UBTD2: variants seen among roughly 807,000 people sequenced by gnomAD.
The protein encoded by UBTD2 is ubiquitin domain containing 2, also known as ubiquitin domain-containing protein 2.
Under a neutral mutation model 19.8 loss-of-function variants are expected in UBTD2, and 9 were observed. That is an observed-to-expected ratio of 0.46 (90% CI 0.27 to 0.79). The LOEUF (loss-of-function observed/expected upper bound fraction) is 0.79. UBTD2 is among the 30% of genes least tolerant of loss of function. UBTD2 has a pLI of 0.14. For missense variants in UBTD2, 250 were observed against 300.4 expected (o/e 0.83, Z 1.24); for synonymous variants, 98 against 103.9 (o/e 0.94, Z 0.35).
At chr5:172,235,146 G>A (rs1436994546) in intron 1 of UBTD2, among the ~76,000 whole-genome samples, 1 of 152,074 alleles carries the variant, frequency 6.6e-6, no homozygotes, top group East Asian at 1.9e-4. Context: ...CTGCCTAGAA[G>A]GTAAGTGTTT....
intron 1 of UBTD2, among the ~76,000 whole-genome samples, chr5:172,243,554 CTTTT>C (rs58327908): frequency 3.2e-4 from 32 of 101,096 alleles, no homozygotes; most frequent in East Asian, 6.8e-4. Flanking sequence ...TGTGAGAAAC[CTTTT>C]TTTTTTTTTT....
At chr5:172,218,310 G>A (rs183295897) in intron 2 of UBTD2, among the ~76,000 whole-genome samples, 39 of 152,254 alleles carry the variant, frequency 2.6e-4, no homozygotes, top group African/African-American at 9.1e-4. Flanking sequence ...TCAGGATGCA[G>A]CAAAAGCAGT....
chr5:172,215,223 G>A lies in UBTD2; in HGVS notation c.308-2996C>T, dbSNP rs1439732796. Among the ~76,000 whole-genome samples the A allele has an allele frequency of 6.6e-5, 10 of 152,294 alleles. No homozygotes were observed. In the East Asian group the frequency reaches 1.5e-3, roughly 23 times the overall value. On this transcript the variant is annotated intron_variant, in intron 2 of 2. Coordinates refer to ENST00000393792, the MANE Select transcript of UBTD2 (RefSeq NM_152277.3). Reference sequence around the variant, plus strand: ...CCTTCTGGACCTCTACAACTTCCTCGTAGTGACAGTCAGAATAATTCCCTG... The same window carrying A: ...CCTTCTGGACCTCTACAACTTCCTCATAGTGACAGTCAGAATAATTCCCTG...
intron 1 of UBTD2, among the ~76,000 whole-genome samples, chr5:172,244,277 G>A (rs1231053984): frequency 4.3e-5 from 6 of 140,182 alleles, no homozygotes; most frequent in Non-Finnish European, 1.5e-5. Flanking sequence ...TCGCAAGACT[G>A]TTTCCCCTTT....
chr5:172,258,057 A>G (rs1209713172), intron 1 of UBTD2, among the ~76,000 whole-genome samples: 3 of 152,126 alleles, frequency 2.0e-5, no homozygotes, highest in Admixed American at 1.3e-4. Context: ...TTCTTTTGCA[A>G]TCTTCATCAT....
chr5:172,217,098 G>A (rs1433600036), intron 2 of UBTD2, among the ~76,000 whole-genome samples: 2 of 152,072 alleles, frequency 1.3e-5, no homozygotes, highest in Non-Finnish European at 2.9e-5. Context: ...AATTCTGTAT[G>A]CTGTGAAATT....
At chr5:172,269,817 C>T (rs1026812286) in intron 1 of UBTD2, among the ~76,000 whole-genome samples, 170 of 150,792 alleles carry the variant, frequency 1.1e-3, no homozygotes, top group African/African-American at 4.1e-3. Context: ...GTGGCTCATG[C>T]CTGTAATCCC....
At position 172,211,818 on chromosome 5, in the gene UBTD2, A is replaced by G. The variant is rs1771452860; in HGVS notation, c.*12T>C. The G allele has an allele frequency of 1.3e-6, 2 of 1,584,486 alleles. No homozygotes were observed. The highest frequency in any genetic ancestry group is 1.7e-6 in the Non-Finnish European group (2 of 1,162,436). Reference sequence around the variant, plus strand: ...AGCAGAGGGATGTGGGAGCTGGCCAACAGGGCTCAGTTCAGTTCTCCACTG... The same window carrying G: ...AGCAGAGGGATGTGGGAGCTGGCCAGCAGGGCTCAGTTCAGTTCTCCACTG... On this transcript the variant is annotated 3_prime_UTR_variant, in exon 3 of 3. Coordinates refer to ENST00000393792, the MANE Select transcript of UBTD2 (RefSeq NM_152277.3).
chr5:172,279,148 G>C (rs1486735483), intron 1 of UBTD2, among the ~76,000 whole-genome samples: 1 of 152,144 alleles, frequency 6.6e-6, no homozygotes, highest in African/African-American at 2.4e-5. Context: ...AGCAGCCCTG[G>C]GTTTAAGCTC....
intron 1 of UBTD2, among the ~76,000 whole-genome samples, chr5:172,265,241 C>T (rs1755352731): frequency 6.6e-6 from 1 of 152,252 alleles, no homozygotes; most frequent in African/African-American, 2.4e-5. Context: ...CATGAAGAGT[C>T]TCTCTAAAGA....
chr5:172,225,677 G>A (rs1771749421), intron 2 of UBTD2, among the ~76,000 whole-genome samples: 1 of 152,152 alleles, frequency 6.6e-6, no homozygotes, highest in African/African-American at 2.4e-5. Flanking sequence ...TGACTGTGGG[G>A]AGTTTTACAT....
intron 2 of UBTD2, among the ~76,000 whole-genome samples, chr5:172,220,639 C>A (rs74917490): frequency 0.33 from 50,262 of 150,120 alleles, 8,411 homozygotes; most frequent in South Asian, 0.42. Flanking sequence ...AACAAAAAAA[C>A]CAAAAAAAAA....
At chr5:172,273,578 G>T (rs758306646) in intron 1 of UBTD2, among the ~76,000 whole-genome samples, 1 of 121,570 alleles carries the variant, frequency 8.2e-6, no homozygotes, top group Non-Finnish European at 1.6e-5. Flanking sequence ...GCGACAGAGT[G>T]AGACTCCGTC....
chr5:172,229,787 T>G (rs1771853528), intron 2 of UBTD2, among the ~76,000 whole-genome samples: 1 of 152,164 alleles, frequency 6.6e-6, no homozygotes. Flanking sequence ...TACTGAATAG[T>G]ATACTATTCA....
intron 2 of UBTD2, among the ~76,000 whole-genome samples, chr5:172,221,583 A>G (rs1443099083): frequency 1.3e-5 from 2 of 152,230 alleles, no homozygotes; most frequent in East Asian, 3.8e-4. Flanking sequence ...TAGTTAACTG[A>G]AAGAAGATAG....
intron 1 of UBTD2, among the ~76,000 whole-genome samples, chr5:172,273,802 G>T (rs987328184): frequency 6.6e-6 from 1 of 151,888 alleles, no homozygotes; most frequent in African/African-American, 2.4e-5. Context: ...AATATTTTCC[G>T]ACTGTAGCTT....
intron 2 of UBTD2, among the ~76,000 whole-genome samples, chr5:172,222,934 G>A (rs1031075420): frequency 6.6e-6 from 1 of 152,168 alleles, no homozygotes; most frequent in Non-Finnish European, 1.5e-5. Context: ...CTAAGGTTGT[G>A]CTGGTGAACA....
At chr5:172,277,722 C>A (rs1054247815) in intron 1 of UBTD2, among the ~76,000 whole-genome samples, 4 of 151,438 alleles carry the variant, frequency 2.6e-5, no homozygotes, top group Non-Finnish European at 5.9e-5. Flanking sequence ...ACAACAACAA[C>A]AACAACTTTG....
At position 172,219,089 on chromosome 5, in the gene UBTD2, A is replaced by G. The variant is rs1046765381; in HGVS notation, c.308-6862T>C. Among the ~76,000 whole-genome samples the G allele has an allele frequency of 3.9e-5, 6 of 152,192 alleles. No homozygotes were observed. The South Asian group carries it at 1.0e-3, about 26-fold the overall frequency. ...ACACAATCTGCCAAAACTCACACAAAACAGACAATCTGAATAGGCCTACAT... is the reference window on the plus strand; with the variant it reads ...ACACAATCTGCCAAAACTCACACAAGACAGACAATCTGAATAGGCCTACAT... On this transcript the variant is annotated intron_variant, in intron 2 of 2. Coordinates refer to ENST00000393792, the MANE Select transcript of UBTD2 (RefSeq NM_152277.3).
Sources: gnomAD v4.1 joint callset for allele counts (sites outside exome capture counted in the v4.1 genomes callset) on GRCh38, gnomAD v4.1.1 for gene constraint, MANE v1.5 for transcripts, NCBI Gene and HGNC (gene_info 2026-07-23, HGNC 2026-07-21) for gene names.